Variants in NRP1 observed in about 807,000 individuals in gnomAD.
The protein encoded by NRP1 is neuropilin 1, also known as neuropilin-1.
A neutral mutation model predicts 106.7 loss-of-function variants in NRP1; 35 were observed. That is an observed-to-expected ratio of 0.33 (90% CI 0.25 to 0.43). The LOEUF (loss-of-function observed/expected upper bound fraction) is 0.43. NRP1 is among the 20% of genes least tolerant of loss of function. The probability of loss-of-function intolerance (pLI) is 1.00; values close to 1 mark genes in which losing one functional copy is unlikely to be tolerated. For missense variants in NRP1, 1,024 were observed against 1,170.4 expected (o/e 0.87, Z 1.83); for synonymous variants, 437 against 417.9 (o/e 1.05, Z -0.56).
Position 33,334,462 on chromosome 10 carries a change from G to A in NRP1, c.-80C>T, listed in dbSNP as rs961252305. On this transcript the variant is annotated 5_prime_UTR_variant, in exon 1 of 17. Coordinates refer to ENST00000374867, the MANE Select transcript of NRP1 (RefSeq NM_003873.7). ...ATGCAGCAAAGAGGAGAATCTAAGCGATCCGAAGAGCCCCAACTCCGCCTA... is the reference window on the plus strand; with the variant it reads ...ATGCAGCAAAGAGGAGAATCTAAGCAATCCGAAGAGCCCCAACTCCGCCTA... The A allele has an allele frequency of 8.7e-6, 11 of 1,270,220 alleles. No homozygotes were observed. Among genetic ancestry groups the A allele is most frequent in the Non-Finnish European group, 7.7e-6 (7 of 905,268 alleles). 78.7% of individuals were successfully genotyped at this position (1,270,220 alleles called of 1,614,324 possible). A position where few individuals can be genotyped will look rare whatever the true frequency, so the allele number is the denominator to read the frequency against.
chr10:33,199,762 T>C (rs762679781), intron 11 of NRP1, among the ~76,000 whole-genome samples: 4 of 152,102 alleles, frequency 2.6e-5, no homozygotes, highest in African/African-American at 7.2e-5. Flanking sequence ...CCATGGAAAG[T>C]TCTGGAGGTG....
At position 33,180,089 on chromosome 10, in the gene NRP1, T is replaced by A; in HGVS notation, c.2759A>T (p.Tyr920Phe). 5 of 1,614,126 alleles carry A rather than the reference T, an allele frequency of 3.1e-6. No individual in the cohort carries two copies. The highest frequency in any genetic ancestry group is 4.2e-6 in the Non-Finnish European group (5 of 1,179,994). The change falls in exon 17 of 17, where the codon TAT becomes TTT. Residue 920 changes from tyrosine to phenylalanine, a missense_variant. This residue lies in a region of NRP1 where 164 missense variants were observed against 161.4 expected (regional missense o/e 1.02). Coordinates refer to ENST00000374867, the MANE Select transcript of NRP1 (RefSeq NM_003873.7). Reference sequence around the variant, plus strand: ...CTCTGTCTGCCTTCATGCCTCCGAATAAGTACTCTGTGTATTCAGTTTGTC... The same window carrying A: ...CTCTGTCTGCCTTCATGCCTCCGAAAAAGTACTCTGTGTATTCAGTTTGTC... ...KKDKLNTQST[Y>F]SEA
intron 2 of NRP1, among the ~76,000 whole-genome samples, chr10:33,316,500 C>T (rs1847047624): frequency 6.6e-6 from 1 of 152,182 alleles, no homozygotes; most frequent in Non-Finnish European, 1.5e-5. Context: ...GAGGCCAACG[C>T]TCACGTCAGA....
At chr10:33,330,604 G>T (rs1848207918) in intron 2 of NRP1, 104 bp downstream of exon 2, 2 of 913,380 alleles carry the variant, frequency 2.2e-6, no homozygotes, top group Non-Finnish European at 3.1e-6. Flanking sequence ...AATCCCTCCT[G>T]GATCCATTTA....
intron 8 of NRP1, among the ~76,000 whole-genome samples, chr10:33,217,229 C>T (rs1236796015): frequency 1.3e-5 from 2 of 152,086 alleles, no homozygotes; most frequent in African/African-American, 4.8e-5. Context: ...AGAGCAGAAC[C>T]GTCACCAGAT....
chr10:33,260,554 C>T (rs529546903), intron 4 of NRP1, among the ~76,000 whole-genome samples: 25 of 152,288 alleles, frequency 1.6e-4, no homozygotes, highest in African/African-American at 6.0e-4. Context: ...TAAGCATTCA[C>T]TTCAGGCCCC....
At chr10:33,199,553 T>G (rs545070019) in intron 11 of NRP1, among the ~76,000 whole-genome samples, 3 of 151,428 alleles carry the variant, frequency 2.0e-5, no homozygotes, top group Admixed American at 2.0e-4. Context: ...AAAATCTGTA[T>G]TTTTGAAAGC....
At chr10:33,319,655 C>T (rs1313132918) in intron 2 of NRP1, among the ~76,000 whole-genome samples, 3 of 146,810 alleles carry the variant, frequency 2.0e-5, no homozygotes, top group Non-Finnish European at 4.5e-5. Context: ...GGCACGATCT[C>T]GGCTTATTGC....
chr10:33,191,055 G>A (rs1045154578), intron 13 of NRP1, among the ~76,000 whole-genome samples: 3 of 152,130 alleles, frequency 2.0e-5, no homozygotes, highest in African/African-American at 7.2e-5. Context: ...TCAGTATCTT[G>A]CTATGTTGCC....
intron 2 of NRP1, among the ~76,000 whole-genome samples, chr10:33,287,637 T>A (rs1375722850): frequency 1.3e-5 from 2 of 152,202 alleles, no homozygotes; most frequent in African/African-American, 4.8e-5. Flanking sequence ...GTTGACTTGA[T>A]AAGACCATGG....
At chr10:33,246,461 A>G (rs1841432210) in intron 6 of NRP1, among the ~76,000 whole-genome samples, 1 of 152,204 alleles carries the variant, frequency 6.6e-6, no homozygotes, top group Non-Finnish European at 1.5e-5. Flanking sequence ...GAGGAAATAG[A>G]AGTCAATGCA....
intron 6 of NRP1, among the ~76,000 whole-genome samples, chr10:33,249,084 G>GTTTTTTTTTTTTTT (rs750905931): frequency 1.0e-3 from 72 of 72,200 alleles, no homozygotes; most frequent in Non-Finnish European, 1.2e-3. Flanking sequence ...TATGTCTCTT[G>GTTTTTTTTTTTTTT]TTTTTTTTTT....
chr10:33,248,571 G>A (rs1446429226), intron 6 of NRP1, among the ~76,000 whole-genome samples: 1 of 152,180 alleles, frequency 6.6e-6, no homozygotes, highest in Non-Finnish European at 1.5e-5. Flanking sequence ...AAATGGGGAA[G>A]ACGTTAATAT....
intron 2 of NRP1, among the ~76,000 whole-genome samples, chr10:33,308,069 C>T (rs1846295944): frequency 6.6e-6 from 1 of 152,152 alleles, no homozygotes; most frequent in Non-Finnish European, 1.5e-5. Context: ...TTTTCAGGAA[C>T]ATGGACGCAG....
chr10:33,334,438 T>C lies in NRP1; in HGVS notation c.-56A>G, dbSNP rs1486762368. ...GGGAGAACGAGGACGTGGGGGGAAA[T>C]GCAGCAAAGAGGAGAATCTAAGCGA... On this transcript the variant is annotated 5_prime_UTR_variant, in exon 1 of 17. Transcript: ENST00000374867. 9 of 1,456,764 alleles carry C rather than the reference T, an allele frequency of 6.2e-6. No homozygotes were observed. The highest frequency in any genetic ancestry group is 1.4e-5 in the African/African-American group (1 of 71,240). The allele number at this position is 1,456,764 out of a possible 1,614,324, so 90.2% of individuals were successfully genotyped here. A position where few individuals can be genotyped will look rare whatever the true frequency, so the allele number is the denominator to read the frequency against.
intron 2 of NRP1, among the ~76,000 whole-genome samples, chr10:33,279,639 G>T (rs1410649234): frequency 6.6e-5 from 10 of 152,094 alleles, no homozygotes; most frequent in Admixed American, 5.9e-4. Context: ...TCCTAGATTC[G>T]TGTTTGATTG....
At chr10:33,287,115 T>G (rs950438750) in intron 2 of NRP1, among the ~76,000 whole-genome samples, 1 of 152,162 alleles carries the variant, frequency 6.6e-6, no homozygotes, top group African/African-American at 2.4e-5. Flanking sequence ...CCAACGAACA[T>G]ACACTCAAAA....
chr10:33,303,939 A>G (rs2132721587), intron 2 of NRP1, among the ~76,000 whole-genome samples: 1 of 152,358 alleles, frequency 6.6e-6, no homozygotes, highest in South Asian at 2.1e-4. Context: ...TCTGATTAAC[A>G]TCAAATAATA....
At chr10:33,267,103 T>C (rs985575634) in intron 3 of NRP1, among the ~76,000 whole-genome samples, 2 of 152,164 alleles carry the variant, frequency 1.3e-5, no homozygotes, top group African/African-American at 4.8e-5. Flanking sequence ...GCTCCGGCCA[T>C]TGTGACATGT....
Sources: gnomAD v4.1 joint callset for allele counts (sites outside exome capture counted in the v4.1 genomes callset) on GRCh38, gnomAD v4.1.1 for gene constraint, gnomAD v4.1.1 regional missense constraint, MANE v1.5 for transcripts, NCBI Gene and HGNC (gene_info 2026-07-23, HGNC 2026-07-21) for gene names.